ALS2: variants seen among roughly 807,000 people sequenced by gnomAD.
The protein encoded by ALS2 is alsin.
A neutral mutation model predicts 203.4 loss-of-function variants in ALS2; 117 were observed. The observed-to-expected ratio is 0.58, with a 90% CI of 0.50 to 0.67. ALS2 has a LOEUF of 0.67. Among genes scored for constraint, ALS2 ranks in the 30% least tolerant of loss-of-function variants. ALS2 has a pLI of 0.00. For synonymous variants in ALS2, 718 were observed against 725.9 expected (o/e 0.99, Z 0.17); for missense variants, 1,715 against 1,989.4 (o/e 0.86, Z 2.62).
intron 31 of ALS2, 136 bp downstream of exon 31, chr2:201,705,003 C>G: frequency 6.7e-6 from 6 of 893,650 alleles, no homozygotes; most frequent in Non-Finnish European, 1.1e-5. Flanking sequence ...TTCTGATTTC[C>G]AGATTGAGTT....
chr2:201,728,095 T>A (rs577887317), intron 15 of ALS2, among the ~76,000 whole-genome samples: 87 of 152,192 alleles, frequency 5.7e-4, no homozygotes, highest in African/African-American at 1.9e-3. Flanking sequence ...GCCTCTTTTT[T>A]AAAAAAAATT....
chr2:201,775,573 CCT>C (rs1436352960), intron 1 of ALS2, among the ~76,000 whole-genome samples: 1 of 152,160 alleles, frequency 6.6e-6, no homozygotes, highest in East Asian at 1.9e-4. Flanking sequence ...ACTGCTACTT[CCT>C]GGATATCCTG....
In ALS2 at chr2:201,757,416, C is replaced by T. The variant is rs776008304; in HGVS notation, c.1457G>A (p.Gly486Glu). 1 of 1,613,846 alleles carries T rather than the reference C, an allele frequency of 6.2e-7. No individual in the cohort carries two copies. Among genetic ancestry groups the T allele is most frequent in the Non-Finnish European group, 8.5e-7 (1 of 1,179,736 alleles). The change falls in exon 5 of 34, where the codon GGA (glycine) becomes GAA (glutamate). Residue 486 changes from glycine to glutamate, a missense_variant. Around this residue, in one of 3 missense-constraint regions of ALS2, gnomAD observed 1,227 missense variants for 1,413.5 expected, o/e 0.87. Transcript: ENST00000264276. Reference protein sequence around the residue: ...EGGSRRLSLPGLLSQVSPRLL... With the variant: ...EGGSRRLSLPELLSQVSPRLL... ...TATTTCCTTACCTTGTGACAACAAT[C>T]CAGGGAGGGAGAGTCTTCGACTGCC...
intron 17 of ALS2, 141 bp from the exon 18 acceptor site, chr2:201,727,007 C>A: frequency 1.1e-6 from 1 of 879,954 alleles, no homozygotes; most frequent in Non-Finnish European, 1.8e-6. Context: ...TTGACTGGCT[C>A]TTGTATTTCT....
intron 5 of ALS2, among the ~76,000 whole-genome samples, chr2:201,755,916 A>G (rs1693357814): frequency 6.6e-6 from 1 of 152,196 alleles, no homozygotes; most frequent in African/African-American, 2.4e-5. Flanking sequence ...CTTGAGGGCC[A>G]CAAGAAAGTG....
At chr2:201,746,051 T>C (rs919683630) in intron 9 of ALS2, among the ~76,000 whole-genome samples, 2 of 152,214 alleles carry the variant, frequency 1.3e-5, no homozygotes, top group African/African-American at 4.8e-5. Flanking sequence ...TGGTCTGCCA[T>C]GAGCCTATCT....
chr2:201,779,923 CAT>C (rs1694820238), intron 1 of ALS2: 1 of 152,198 alleles, frequency 6.6e-6, no homozygotes, highest in South Asian at 2.1e-4. Flanking sequence ...CACTCCAAAT[CAT>C]ATGATAAATG....
chr2:201,719,621 A>G (rs1189645839), intron 23 of ALS2, among the ~76,000 whole-genome samples: 2 of 139,430 alleles, frequency 1.4e-5, no homozygotes, highest in South Asian at 2.3e-4. Context: ...AAATAAAAAT[A>G]AAAGTGCCAG....
At chr2:201,714,309 G>A (rs6435098) in intron 25 of ALS2, among the ~76,000 whole-genome samples, 31,975 of 152,116 alleles carry the variant, frequency 0.21, 3,920 homozygotes, top group East Asian at 0.39. Flanking sequence ...CAACTGCCAA[G>A]CACAGGGTGC....
At chr2:201,753,777 A>G (rs1209049625) in intron 6 of ALS2, among the ~76,000 whole-genome samples, 1 of 152,208 alleles carries the variant, frequency 6.6e-6, no homozygotes, top group East Asian at 1.9e-4. Context: ...GCAGTGGCAG[A>G]GACATCTTTC....
chr2:201,744,583 T>C (rs759757393), intron 9 of ALS2, among the ~76,000 whole-genome samples, 154 bp from the exon 10 acceptor site: 10 of 152,154 alleles, frequency 6.6e-5, no homozygotes, highest in East Asian at 1.9e-4. Flanking sequence ...AGCTTGAAAA[T>C]TGGCCATAGT....
At chr2:201,709,236 T>G (rs1000548982) in intron 27 of ALS2, among the ~76,000 whole-genome samples, 3 of 152,206 alleles carry the variant, frequency 2.0e-5, no homozygotes, top group African/African-American at 7.2e-5. Context: ...CAGTCTGCTC[T>G]GACCTTCTCT....
intron 7 of ALS2, among the ~76,000 whole-genome samples, chr2:201,752,682 C>A (rs6435103): frequency 4.0e-5 from 6 of 151,816 alleles, no homozygotes; most frequent in Non-Finnish European, 8.8e-5. Context: ...TAAAAAAAAA[C>A]TTAAAACAAC....
intron 7 of ALS2, among the ~76,000 whole-genome samples, chr2:201,751,047 T>A (rs1423892377): frequency 6.6e-6 from 1 of 151,992 alleles, no homozygotes; most frequent in Non-Finnish European, 1.5e-5. Flanking sequence ...GAGATGGGGT[T>A]TCACCATGTT....
At chr2:201,739,136 G>C (rs1446070529) in intron 11 of ALS2, among the ~76,000 whole-genome samples, 1 of 151,164 alleles carries the variant, frequency 6.6e-6, no homozygotes, top group African/African-American at 2.4e-5. Flanking sequence ...CTACTTGGGA[G>C]GCTGAGGTGG....
In ALS2 at chr2:201,761,467, G is replaced by A. The variant is rs1284341743; in HGVS notation, c.527C>T (p.Thr176Ile). 1.9e-6 allele frequency: 3 copies of A among 1,608,508 alleles called. No individual in the cohort carries two copies. Among genetic ancestry groups the A allele is most frequent in the Non-Finnish European group, 1.7e-6 (2 of 1,175,528 alleles). ...SISREIWAWG[T>I]GCQLGLITTA... is the part of the protein sequence containing the mutation. ...GGTAATGAGACCCAACTGACAACCG[G>A]TACCCCATGCCCAAATCTCTCTGCT... is the stretch of plus-strand genomic sequence containing the variant. Residue 176 changes from threonine (T) to isoleucine (I), a missense_variant, in exon 4 of 34, where the codon ACC becomes ATC. Coordinates refer to ENST00000264276, the MANE Select transcript of ALS2 (RefSeq NM_020919.4).
At chr2:201,704,064 A>G (rs1229854039) in intron 33 of ALS2, 58 bp downstream of exon 33, 1 of 1,459,694 alleles carries the variant, frequency 6.9e-7, no homozygotes, top group African/African-American at 1.4e-5. Context: ...CATTTATAAT[A>G]TGGTAAATGA....
intron 25 of ALS2, among the ~76,000 whole-genome samples, chr2:201,715,227 A>G (rs1690293220): frequency 6.6e-6 from 1 of 152,210 alleles, no homozygotes; most frequent in Admixed American, 6.5e-5. Flanking sequence ...AACTGAGTAT[A>G]TATCAACCAC....
At chr2:201,723,480 T>A (rs1309617422) in intron 21 of ALS2, 39 bp from the exon 22 acceptor site, 2 of 1,534,674 alleles carry the variant, frequency 1.3e-6, no homozygotes, top group African/African-American at 2.7e-5. Flanking sequence ...GCACTGAAGA[T>A]AAGGATAAAG....
Sources: allele counts gnomAD v4.1 joint callset (sites outside exome capture counted in the v4.1 genomes callset), GRCh38; gene constraint gnomAD v4.1.1; regional missense constraint gnomAD v4.1.1; transcripts MANE v1.5; gene names NCBI Gene and HGNC (gene_info 2026-07-23, HGNC 2026-07-21).